Variants in RBPJ observed in about 807,000 individuals in gnomAD.
RBPJ encodes recombining binding protein suppressor of hairless.
RBPJ carries 9 observed loss-of-function variants against 67.8 expected under a neutral mutation model. That is an observed-to-expected ratio of 0.13 (90% CI 0.08 to 0.23). The LOEUF is 0.23. Ranked by LOEUF, RBPJ falls within the 10% of genes least tolerant of loss-of-function variation. The pLI is 1.00. For synonymous variants in RBPJ, 198 were observed against 203.3 expected (o/e 0.97, Z 0.22); for missense variants, 305 against 595.6 (o/e 0.51, Z 5.08).
intron 1 of RBPJ, among the ~76,000 whole-genome samples, chr4:26,297,357 CGAGAGAAAGAGAGAGAGA>C (rs1721912233): frequency 9.4e-6 from 1 of 105,924 alleles, no homozygotes; most frequent in Admixed American, 1.2e-4. Context: ...TGTGTGTGTA[CGAGAGAAAGAGAGAGAGA>C]GAGAGAGAGA....
chr4:26,191,236 G>T (rs1438739820), intron 1 of RBPJ, among the ~76,000 whole-genome samples: 70 of 113,106 alleles, frequency 6.2e-4, no homozygotes, highest in African/African-American at 2.4e-3. Flanking sequence ...GAGAGAGAGA[G>T]AGAGATAGAG....
intron 1 of RBPJ, among the ~76,000 whole-genome samples, chr4:26,344,536 CTAACTATAATTAT>C (rs1337044337): frequency 6.6e-6 from 1 of 152,146 alleles, no homozygotes; most frequent in Non-Finnish European, 1.5e-5. Context: ...CGCCCGGCTG[CTAACTATAATTAT>C]TAAAAGTAGT....
the RBPJ span, among the ~76,000 whole-genome samples, chr4:26,155,468 T>G: frequency 9.4e-5 from 14 of 149,576 alleles, no homozygotes; most frequent in African/African-American, 3.5e-4. Context: ...AGAGTCTTGC[T>G]CTGTTGCCCA....
At chr4:26,270,410 AAAGAAAGAAAGAAAGAAAGAAAGAAAG>A (rs762458727) in intron 1 of RBPJ, among the ~76,000 whole-genome samples, 2,810 of 63,028 alleles carry the variant, frequency 0.045, 563 homozygotes, top group Middle Eastern at 0.079. Flanking sequence ...AGAAAGAAAG[AAAGAAAGAAAGAAAGAAAGAAAGAAAG>A]AAGAAAGAAA....
At chr4:26,429,007 AAC>A (rs781413844) in intron 8 of RBPJ, 147 bp downstream of exon 8, 16 of 619,442 alleles carry the variant, frequency 2.6e-5, no homozygotes, top group Non-Finnish European at 4.0e-5. Context: ...GAGCATCCTT[AAC>A]ACACAATCCT....
intron 1 of RBPJ, among the ~76,000 whole-genome samples, chr4:26,173,242 T>C (rs1255464154): frequency 6.6e-6 from 1 of 152,164 alleles, no homozygotes; most frequent in Non-Finnish European, 1.5e-5. Context: ...TTTGAGCGAT[T>C]CTCCTGCCTC....
At chr4:26,260,935 C>A (rs1177859680) in intron 1 of RBPJ, among the ~76,000 whole-genome samples, 1 of 152,048 alleles carries the variant, frequency 6.6e-6, no homozygotes, top group Admixed American at 6.6e-5. Context: ...TTTTAAGAAA[C>A]CATAAGTTTT....
upstream of RBPJ, among the ~76,000 whole-genome samples, chr4:26,315,144 CAAAAAAAAAAAAA>C (rs60940172): frequency 9.7e-5 from 1 of 10,356 alleles, no homozygotes. Context: ...GTCTCTGTCT[CAAAAAAAAAAAAA>C]AAAAAAAAAA....
chr4:26,144,567 G>A, the RBPJ span, among the ~76,000 whole-genome samples: 1 of 152,122 alleles, frequency 6.6e-6, no homozygotes, highest in Non-Finnish European at 1.5e-5. Context: ...ACTGCACCCA[G>A]CCTAAAAATT....
At chr4:26,231,514 C>T (rs956466090) in intron 1 of RBPJ, among the ~76,000 whole-genome samples, 6 of 151,542 alleles carry the variant, frequency 4.0e-5, no homozygotes, top group Admixed American at 6.6e-5. Flanking sequence ...CAGGTTCAAG[C>T]GATTCTCCTG....
chr4:26,319,819 G>A, upstream of RBPJ: 2 of 1,513,616 alleles, frequency 1.3e-6, no homozygotes, highest in Non-Finnish European at 1.8e-6. Flanking sequence ...CTCCCTGCGG[G>A]AGGCAGTGCT....
chr4:26,106,962 T>G, the RBPJ span, among the ~76,000 whole-genome samples: 1 of 152,050 alleles, frequency 6.6e-6, no homozygotes, highest in Non-Finnish European at 1.5e-5. Context: ...CTTTTTGAAC[T>G]GATGAGTTGC....
rs762191828 is a variant in RBPJ at position 26,430,102 on chromosome 4, C to A, written c.1044+49C>A. 19 of 1,583,742 alleles carry A rather than the reference C, an allele frequency of 1.2e-5. No individual in the cohort carries two copies. The highest frequency in any genetic ancestry group is 1.6e-5 in the Non-Finnish European group (18 of 1,153,740). ...GCCTTCAGCTCTTTGCAGCTACTCT[C>A]AGCTGTGACCTGGCATCATTTCATT... On this transcript the variant is annotated intron_variant, in intron 9 of 10. Coordinates refer to ENST00000355476, the MANE Select transcript of RBPJ (RefSeq NM_015874.6). The surrounding 1 kb of genome is among the most constrained non-coding windows in gnomAD (Gnocchi z 4.1).
the RBPJ span, among the ~76,000 whole-genome samples, chr4:26,149,339 G>A: frequency 6.6e-6 from 1 of 152,228 alleles, no homozygotes; most frequent in Non-Finnish European, 1.5e-5. Flanking sequence ...TTACTGTCCT[G>A]CCTCTGGTCA....
chr4:26,372,504 G>C (rs952398816), intron 1 of RBPJ, among the ~76,000 whole-genome samples: 1 of 152,210 alleles, frequency 6.6e-6, no homozygotes, highest in Non-Finnish European at 1.5e-5. Flanking sequence ...TTTGCAGCTT[G>C]TACAATTTGA....
chr4:26,223,025 T>C (rs912163504), intron 1 of RBPJ, among the ~76,000 whole-genome samples: 2 of 151,312 alleles, frequency 1.3e-5, no homozygotes, highest in Admixed American at 6.6e-5. Context: ...TGTGGTGGTG[T>C]GCACCTGTAA....
chr4:26,347,966 C>CTT (rs1175453268), intron 1 of RBPJ, among the ~76,000 whole-genome samples: 1 of 130,278 alleles, frequency 7.7e-6, no homozygotes, highest in African/African-American at 2.9e-5. Flanking sequence ...TTTTCTTTTT[C>CTT]TTTTTTTTTT....
chr4:26,326,043 CAT>C (rs1723596083), intron 1 of RBPJ, among the ~76,000 whole-genome samples: 1 of 152,144 alleles, frequency 6.6e-6, no homozygotes, highest in Non-Finnish European at 1.5e-5. Flanking sequence ...TTGTCTATCA[CAT>C]GATAGAGACT....
the RBPJ span, among the ~76,000 whole-genome samples, chr4:26,154,051 T>G: frequency 5.1e-3 from 770 of 152,336 alleles, 3 homozygotes; most frequent in Non-Finnish European, 8.7e-3. Context: ...CCATTCATTG[T>G]TAACTCCTTC....
Sources: gnomAD v4.1 joint callset for allele counts (sites outside exome capture counted in the v4.1 genomes callset) on GRCh38, gnomAD v4.1.1 for gene constraint, Gnocchi (gnomAD v3.1) non-coding constraint, MANE v1.5 for transcripts, NCBI Gene and HGNC (gene_info 2026-07-23, HGNC 2026-07-21) for gene names.